TAGLN3: variants seen among roughly 807,000 people sequenced by gnomAD.
TAGLN3 encodes transgelin 3.
A neutral mutation model predicts 25.4 loss-of-function variants in TAGLN3; 12 were observed. That is an observed-to-expected ratio of 0.47 (90% CI 0.30 to 0.77). The LOEUF is 0.77. Ranked by LOEUF, TAGLN3 falls within the 30% of genes least tolerant of loss-of-function variation. The pLI is 0.06. For synonymous variants in TAGLN3, 96 were observed against 94.8 expected, an observed-to-expected ratio of 1.01 and a Z score of -0.08; for missense variants, 218 against 255.8, an observed-to-expected ratio of 0.85 and a Z score of 1.01.
At chr3:112,012,561 T>G (rs1449370981) in intron 4 of TAGLN3, among the ~76,000 whole-genome samples, 1 of 151,910 alleles carries the variant, frequency 6.6e-6, no homozygotes, top group Non-Finnish European at 1.5e-5. Flanking sequence ...GAGTGCCCTG[T>G]GGCAAATAAT....
chr3:112,004,605 T>G (rs1053312270), intron 3 of TAGLN3, among the ~76,000 whole-genome samples: 2 of 152,096 alleles, frequency 1.3e-5, no homozygotes, highest in Non-Finnish European at 2.9e-5. Flanking sequence ...AGTTGTAAAG[T>G]GGGGATAATC....
At chr3:112,005,933 T>TG (rs1384350036) in intron 3 of TAGLN3, among the ~76,000 whole-genome samples, 2 of 151,388 alleles carry the variant, frequency 1.3e-5, no homozygotes, top group Non-Finnish European at 2.9e-5. Context: ...AATTTTTTTT[T>TG]TATTTTTAGT....
chr3:111,999,431 C>T lies in TAGLN3; in HGVS notation c.9C>T (p.Asn3=). 2 of 1,613,946 alleles carry T rather than the reference C, an allele frequency of 1.2e-6. No individual in the cohort carries two copies. Among genetic ancestry groups the T allele is most frequent in the Non-Finnish European group, 1.7e-6 (2 of 1,179,854 alleles). The change falls in exon 2 of 5, where the codon AAC becomes AAT. Residue 3 remains asparagine (N), a synonymous_variant. Transcript: ENST00000478951. MA[N]RGPSYGLSRE... is the part of the protein sequence containing the mutation. ...TTCTCTTCTTTCCAGAGATGGCTAA[C>T]AGGGGCCCGAGCTATGGCTTAAGCC...
chr3:112,003,632 A>G (rs1319584543), intron 3 of TAGLN3, among the ~76,000 whole-genome samples: 2 of 152,138 alleles, frequency 1.3e-5, no homozygotes, highest in Admixed American at 6.5e-5. Flanking sequence ...CTGTGGTTTT[A>G]ATGCTGTCCT....
intron 1 of TAGLN3, 152 bp downstream of exon 1, chr3:111,999,266 A>T: frequency 2.5e-6 from 2 of 794,348 alleles, no homozygotes; most frequent in Non-Finnish European, 3.8e-6. Context: ...CATTGGCTTC[A>T]TTGGCTCCTT....
rs759725437 is a variant in TAGLN3 at position 112,013,467 on chromosome 3, C to T, written c.516C>T (p.Asn172=). Reference sequence around the variant, plus strand: ...AGGAGCAGCTTCGCCAGGGACAGAACGTAATAGGCCTGCAGATGGGCAGCA... The same window carrying T: ...AGGAGCAGCTTCGCCAGGGACAGAATGTAATAGGCCTGCAGATGGGCAGCA... ...FSEEQLRQGQ[N]VIGLQMGSNK... is the part of the protein sequence containing the mutation. The change falls in exon 5 of 5, where the codon AAC becomes AAT. Residue 172 remains asparagine (N), a synonymous_variant. Transcript: ENST00000478951. 1 of 1,614,166 alleles carries T rather than the reference C, an allele frequency of 6.2e-7. No homozygotes were observed. Among genetic ancestry groups the T allele is most frequent in the African/African-American group, 1.3e-5 (1 of 75,060 alleles).
chr3:112,011,510 G>A (rs780720975), intron 3 of TAGLN3, among the ~76,000 whole-genome samples: 14 of 152,178 alleles, frequency 9.2e-5, no homozygotes, highest in Non-Finnish European at 2.1e-4. Flanking sequence ...AACTATGAAC[G>A]GATTAGAAAC....
At chr3:112,012,758 A>G (rs952883715) in intron 4 of TAGLN3, among the ~76,000 whole-genome samples, 1 of 152,172 alleles carries the variant, frequency 6.6e-6, no homozygotes, top group Non-Finnish European at 1.5e-5. Flanking sequence ...CTACACAACC[A>G]CAATTATGTA....
At chr3:112,012,331 T>C (rs896324777) in intron 4 of TAGLN3, among the ~76,000 whole-genome samples, 6 of 149,114 alleles carry the variant, frequency 4.0e-5, no homozygotes, top group Non-Finnish European at 6.0e-5. Flanking sequence ...GTGTACTTAA[T>C]AAAGGGTAAA....
At chr3:112,009,843 A>C (rs184139888) in intron 3 of TAGLN3, among the ~76,000 whole-genome samples, 1 of 149,478 alleles carries the variant, frequency 6.7e-6, no homozygotes, top group East Asian at 2.0e-4. Context: ...TTCCTTTTCC[A>C]CTCTCCTGGG....
chr3:112,013,088 T>A lies in TAGLN3; in HGVS notation c.459-322T>A, dbSNP rs540178525. On this transcript the variant is annotated intron_variant, in intron 4 of 4. Transcript: ENST00000478951. The stretch of plus-strand genomic sequence containing the variant: ...GCTGAGAGTGAATTCCCCAGAGAGG[T>A]AGCCACTGATTCTGCCCTACTCTTT... Among the ~76,000 whole-genome samples, 20 of 152,106 alleles carry A rather than the reference T, an allele frequency of 1.3e-4. No individual in the cohort carries two copies. The South Asian group carries it at 4.2e-3, about 32-fold the overall frequency.
Position 112,011,696 on chromosome 3 carries a change from G to C in TAGLN3, c.356-67G>C. Reference sequence around the variant, plus strand: ...TCAGAACTTCCCTCCTGGGTGTCCAGCCGTATCCTTCCAGCATTCCTTGGC... The same window carrying C: ...TCAGAACTTCCCTCCTGGGTGTCCACCCGTATCCTTCCAGCATTCCTTGGC... On this transcript the variant is annotated intron_variant, in intron 3 of 4. Transcript: ENST00000478951. 3 of 1,465,322 alleles carry C rather than the reference G, an allele frequency of 2.0e-6. No individual in the cohort carries two copies. In the South Asian group the frequency reaches 3.8e-5, roughly 19 times the overall value. 90.8% of individuals were successfully genotyped at this position (1,465,322 alleles called of 1,614,324 possible). A position where few individuals can be genotyped will look rare whatever the true frequency, so the allele number is the denominator to read the frequency against.
At chr3:112,007,411 C>A (rs911859040) in intron 3 of TAGLN3, among the ~76,000 whole-genome samples, 3 of 152,174 alleles carry the variant, frequency 2.0e-5, no homozygotes, top group African/African-American at 7.2e-5. Context: ...ATCCCTCCCA[C>A]CCTCAACCCT....
chr3:112,008,445 G>A (rs1026357465), intron 3 of TAGLN3, among the ~76,000 whole-genome samples: 5 of 152,156 alleles, frequency 3.3e-5, no homozygotes. Flanking sequence ...CTCCCAAAGT[G>A]TTGAAATTAC....
intron 3 of TAGLN3, among the ~76,000 whole-genome samples, chr3:112,008,264 C>G (rs2072939233): frequency 6.6e-6 from 1 of 152,162 alleles, no homozygotes; most frequent in African/African-American, 2.4e-5. Context: ...AGATATGACA[C>G]TTGGTTGTGA....
intron 3 of TAGLN3, among the ~76,000 whole-genome samples, chr3:112,001,398 G>T (rs1398600403): frequency 6.6e-6 from 1 of 152,178 alleles, no homozygotes; most frequent in Non-Finnish European, 1.5e-5. Context: ...CCTTTATCTG[G>T]GAGCTTGGTG....
In TAGLN3 at chr3:112,013,475, G is replaced by C; in HGVS notation, c.524G>C (p.Gly175Ala). The change falls in exon 5 of 5, where the codon GGC (glycine) becomes GCC (alanine). Residue 175 changes from glycine (G) to alanine (A), a missense_variant. By Grantham distance (60) the Gly-to-Ala change is moderately conservative. Transcript: ENST00000478951. ...CTTCGCCAGGGACAGAACGTAATAG[G>C]CCTGCAGATGGGCAGCAACAAGGGA... ...EQLRQGQNVI[G>A]LQMGSNKGAS... 1.9e-6 allele frequency: 3 copies of C among 1,614,212 alleles called. No homozygotes were observed. Among genetic ancestry groups the C allele is most frequent in the Non-Finnish European group, 2.5e-6 (3 of 1,180,024 alleles).
Position 112,000,818 on chromosome 3 carries a change from C to G in TAGLN3, c.227C>G (p.Pro76Arg). Residue 76 changes from proline to arginine, a missense_variant, in exon 3 of 5, where the codon CCC becomes CGC. By Grantham distance (103) the Pro-to-Arg change is moderately radical (BLOSUM62 -2). Coordinates refer to ENST00000478951, the MANE Select transcript of TAGLN3 (RefSeq NM_001008272.2). ...AGTTTATACCCACCAGGACAAGAGC[C>G]CATACCCAAGATCTCAGAGTCAAAG... ...INSLYPPGQE[P>R]IPKISESKMA... The G allele has an allele frequency of 6.2e-7, 1 of 1,614,152 alleles. No individual in the cohort carries two copies. Among genetic ancestry groups the G allele is most frequent in the Non-Finnish European group, 8.5e-7 (1 of 1,180,018 alleles).
chr3:112,008,926 G>A (rs895114166), intron 3 of TAGLN3, among the ~76,000 whole-genome samples: 2 of 152,206 alleles, frequency 1.3e-5, no homozygotes, highest in Non-Finnish European at 2.9e-5. Flanking sequence ...TGTACAGGAA[G>A]TGTGGTGCTG....
Sources: allele counts gnomAD v4.1 joint callset (sites outside exome capture counted in the v4.1 genomes callset), GRCh38; gene constraint gnomAD v4.1.1; transcripts MANE v1.5; gene names NCBI Gene and HGNC (gene_info 2026-07-23, HGNC 2026-07-21).